Variants in ATRNL1 observed in about 807,000 individuals in gnomAD.
The protein encoded by ATRNL1 is attractin-like protein 1.
A neutral mutation model predicts 182.7 loss-of-function variants in ATRNL1; 95 were observed. That is an observed-to-expected ratio of 0.52 (90% CI 0.44 to 0.62). The LOEUF is 0.62. ATRNL1 is among the 20% of genes least tolerant of loss of function. The pLI, the probability that ATRNL1 is intolerant of heterozygous loss-of-function variation, is 0.00. For missense variants in ATRNL1, 1,471 were observed against 1,679.5 expected (o/e 0.88, Z 2.17); for synonymous variants, 576 against 568.3 (o/e 1.01, Z -0.19).
At chr10:115,157,236 A>T (rs1411312665) in intron 5 of ATRNL1, among the ~76,000 whole-genome samples, 1 of 152,112 alleles carries the variant, frequency 6.6e-6, no homozygotes, top group East Asian at 1.9e-4. Context: ...CAGAAAAAAA[A>T]TTTTAAAAAG....
chr10:115,772,591 C>CTGTGTGTGTGTG (rs1491162323), intron 27 of ATRNL1, among the ~76,000 whole-genome samples: 1 of 130,556 alleles, frequency 7.7e-6, no homozygotes, highest in Non-Finnish European at 1.7e-5. Context: ...AAAATATATA[C>CTGTGTGTGTGTG]TCTGTCTGTG....
At chr10:115,638,105 C>T (rs1400444839) in intron 26 of ATRNL1, among the ~76,000 whole-genome samples, 1 of 152,060 alleles carries the variant, frequency 6.6e-6, no homozygotes, top group Non-Finnish European at 1.5e-5. Flanking sequence ...GAACAACTTC[C>T]AGTCCTGCAA....
chr10:115,812,294 G>C (rs571505274), intron 27 of ATRNL1, among the ~76,000 whole-genome samples: 2 of 152,090 alleles, frequency 1.3e-5, no homozygotes, highest in Non-Finnish European at 2.9e-5. Context: ...GTATGGTTGG[G>C]ATAAAATCTA....
At chr10:115,623,336 T>C (rs574702523) in intron 26 of ATRNL1, among the ~76,000 whole-genome samples, 1 of 152,180 alleles carries the variant, frequency 6.6e-6, no homozygotes, top group South Asian at 2.1e-4. Flanking sequence ...AATTAAAAAA[T>C]TGAACCTGAA....
At chr10:115,873,311 AAG>A (rs1951627112) in intron 28 of ATRNL1, among the ~76,000 whole-genome samples, 1 of 152,224 alleles carries the variant, frequency 6.6e-6, no homozygotes, top group Non-Finnish European at 1.5e-5. Flanking sequence ...TATTGTGGGG[AAG>A]AGTCTCCTGG....
intron 9 of ATRNL1, among the ~76,000 whole-genome samples, chr10:115,233,946 A>T (rs1310830855): frequency 6.6e-6 from 1 of 151,444 alleles, no homozygotes; most frequent in Non-Finnish European, 1.5e-5. Flanking sequence ...TTTTTTTGAG[A>T]TATTCATGTC....
intron 15 of ATRNL1, among the ~76,000 whole-genome samples, chr10:115,297,052 CTAGCTATGTCT>C (rs1359397572): frequency 6.6e-6 from 1 of 152,084 alleles, no homozygotes; most frequent in Non-Finnish European, 1.5e-5. Flanking sequence ...GAGGAGTGCC[CTAGCTATGTCT>C]TACAGGATTT....
At chr10:115,330,349 A>G (rs1210156702) in intron 18 of ATRNL1, among the ~76,000 whole-genome samples, 10 of 152,116 alleles carry the variant, frequency 6.6e-5, no homozygotes, top group African/African-American at 2.2e-4. Flanking sequence ...GAATTTGTTT[A>G]GATACTTATT....
chr10:115,360,208 G>T (rs2134153594), intron 19 of ATRNL1, among the ~76,000 whole-genome samples: 1 of 151,786 alleles, frequency 6.6e-6, no homozygotes, highest in Admixed American at 6.6e-5. Flanking sequence ...TTCAAATAAA[G>T]TTGTTACACA....
At chr10:115,705,679 T>TA (rs1946875287) in intron 26 of ATRNL1, among the ~76,000 whole-genome samples, 1 of 151,958 alleles carries the variant, frequency 6.6e-6, no homozygotes, top group Non-Finnish European at 1.5e-5. Flanking sequence ...AAGATCACTG[T>TA]CATAATAAAA....
Position 115,469,158 on chromosome 10 carries a change from T to C in ATRNL1, c.3497-14T>C. Reference sequence around the variant, plus strand: ...ATTTCCTAATATTAATTATTTAAATTATTTACATTTTAGCTGGAACAATAT... The same window carrying C: ...ATTTCCTAATATTAATTATTTAAATCATTTACATTTTAGCTGGAACAATAT... On this transcript the variant is annotated splice_polypyrimidine_tract_variant and intron_variant, in intron 23 of 28. Transcript: ENST00000355044. 1 of 1,053,508 alleles carries C rather than the reference T, an allele frequency of 9.5e-7. No individual in the cohort carries two copies. Among genetic ancestry groups the C allele is most frequent in the Non-Finnish European group, 1.3e-6 (1 of 779,646 alleles). 65.3% of individuals were successfully genotyped at this position (1,053,508 alleles called of 1,614,324 possible).
intron 24 of ATRNL1, among the ~76,000 whole-genome samples, chr10:115,499,883 A>T (rs979687211): frequency 2.0e-5 from 3 of 151,866 alleles, no homozygotes. Context: ...TTTCACGTTT[A>T]CTCCTTTTTC....
At chr10:115,209,009 A>G (rs1848911839) in intron 8 of ATRNL1, among the ~76,000 whole-genome samples, 1 of 151,850 alleles carries the variant, frequency 6.6e-6, no homozygotes, top group Admixed American at 6.6e-5. Flanking sequence ...TTAAAATACT[A>G]CGGAAGCAAA....
intron 17 of ATRNL1, among the ~76,000 whole-genome samples, chr10:115,310,973 C>T (rs1853990587): frequency 1.3e-5 from 2 of 152,084 alleles, no homozygotes; most frequent in East Asian, 1.9e-4. Context: ...TTTAGCACCA[C>T]TTTTGCTATA....
intron 28 of ATRNL1, among the ~76,000 whole-genome samples, chr10:115,853,813 G>T (rs771012948): frequency 1.3e-5 from 2 of 152,136 alleles, no homozygotes; most frequent in African/African-American, 4.8e-5. Context: ...AGAAAATTAG[G>T]CAGAGAGCCC....
intron 10 of ATRNL1, among the ~76,000 whole-genome samples, chr10:115,259,265 T>A (rs1192250805): frequency 2.6e-5 from 4 of 152,192 alleles, no homozygotes; most frequent in Non-Finnish European, 4.4e-5. Context: ...TGAGCTGTGG[T>A]AGGCTCCGTC....
chr10:115,576,219 T>C (rs78656496), intron 26 of ATRNL1, among the ~76,000 whole-genome samples: 211 of 152,196 alleles, frequency 1.4e-3, no homozygotes, highest in African/African-American at 4.6e-3. Context: ...AGCTCTGTGA[T>C]GTGCTGATTT....
At position 115,759,154 on chromosome 10, in the gene ATRNL1, G is replaced by A. The variant is rs554951248; in HGVS notation, c.3903+31799G>A. 1.6e-4 allele frequency among the ~76,000 whole-genome samples: 25 copies of A among 152,292 alleles called. No individual in the cohort carries two copies. The South Asian group carries it at 4.8e-3, about 29-fold the overall frequency. ...TATTTTGTTTACGCGGATGCAGGAA[G>A]TCTGGGTTAGGCTGAATATATTTTG... is the stretch of plus-strand genomic sequence containing the variant. On this transcript the variant is annotated intron_variant, in intron 27 of 28. Coordinates refer to ENST00000355044, the MANE Select transcript of ATRNL1 (RefSeq NM_207303.4).
chr10:115,873,907 A>G (rs1951640906), intron 28 of ATRNL1, among the ~76,000 whole-genome samples: 1 of 152,212 alleles, frequency 6.6e-6, no homozygotes, highest in African/African-American at 2.4e-5. Flanking sequence ...TGCATCGATC[A>G]GTTAAAGGTG....
Sources: allele counts gnomAD v4.1 joint callset (sites outside exome capture counted in the v4.1 genomes callset), GRCh38; gene constraint gnomAD v4.1.1; transcripts MANE v1.5; gene names NCBI Gene and HGNC (gene_info 2026-07-23, HGNC 2026-07-21).